The following FAM13A variants were observed in gnomAD, a reference collection of about 807,000 sequenced individuals.
FAM13A encodes family with sequence similarity 13 member A, also known as protein FAM13A.
FAM13A carries 76 observed loss-of-function variants against 129.6 expected under a neutral mutation model. The observed-to-expected ratio is 0.59, with a 90% CI of 0.49 to 0.71. The LOEUF (loss-of-function observed/expected upper bound fraction) is 0.71. Among genes scored for constraint, FAM13A ranks in the 30% least tolerant of loss-of-function variants. FAM13A has a pLI of 0.00. For missense variants in FAM13A, 1,108 were observed against 1,249.3 expected (o/e 0.89, Z 1.70); for synonymous variants, 443 against 449.9 (o/e 0.98, Z 0.20).
At chr4:88,739,371 T>C (rs1739699009) in intron 19 of FAM13A, among the ~76,000 whole-genome samples, 1 of 152,126 alleles carries the variant, frequency 6.6e-6, no homozygotes, top group Admixed American at 6.6e-5. Flanking sequence ...AAATCCAAAC[T>C]AGGATCATTC....
intron 7 of FAM13A, chr4:88,822,896 G>A: frequency 2.5e-6 from 4 of 1,569,690 alleles, no homozygotes; most frequent in Non-Finnish European, 3.4e-6. Context: ...ACTAAAAGAT[G>A]CCAAGTACTG....
intron 2 of FAM13A, among the ~76,000 whole-genome samples, chr4:89,025,313 G>A (rs71609549): frequency 0.065 from 8,705 of 133,964 alleles, 350 homozygotes; most frequent in Non-Finnish European, 0.095. Flanking sequence ...GCCGGACTGC[G>A]GACTGCAGTG....
At chr4:89,048,401 C>A (rs1257471800) in intron 1 of FAM13A, among the ~76,000 whole-genome samples, 1 of 152,044 alleles carries the variant, frequency 6.6e-6, no homozygotes, top group Non-Finnish European at 1.5e-5. Flanking sequence ...CCATTTATAT[C>A]AAATGTCCTG....
intron 2 of FAM13A, among the ~76,000 whole-genome samples, chr4:89,023,646 A>G (rs1335391394): frequency 6.6e-6 from 1 of 152,150 alleles, no homozygotes; most frequent in Non-Finnish European, 1.5e-5. Context: ...ATGCTCCTCA[A>G]TAATATTTTC....
chr4:88,860,688 C>T (rs184954148), intron 6 of FAM13A, among the ~76,000 whole-genome samples: 3 of 152,270 alleles, frequency 2.0e-5, no homozygotes, highest in African/African-American at 7.2e-5. Context: ...AAAACAAATG[C>T]CATTTATTCC....
chr4:88,784,630 A>G (rs2149639414), intron 10 of FAM13A, among the ~76,000 whole-genome samples: 1 of 152,248 alleles, frequency 6.6e-6, no homozygotes, highest in Non-Finnish European at 1.5e-5. Flanking sequence ...TTTACTTTGC[A>G]GTAGGATTTT....
At position 88,731,326 on chromosome 4, in the gene FAM13A, C is replaced by T. The variant is rs747180976; in HGVS notation, c.2945+1G>A. 3 of 1,573,908 alleles carry T rather than the reference C, an allele frequency of 1.9e-6. No individual in the cohort carries two copies. Among genetic ancestry groups the T allele is most frequent in the Non-Finnish European group, 2.6e-6 (3 of 1,148,978 alleles). The stretch of plus-strand genomic sequence containing the variant: ...GGAGGGTGGGGGAAGACAGGCACTA[C>T]CTTCCATTCTGTCTGAAAAAGTTGT... On this transcript the variant is annotated splice_donor_variant, in intron 23 of 23. Coordinates refer to ENST00000264344, the MANE Select transcript of FAM13A (RefSeq NM_014883.4). LOFTEE classifies it high-confidence loss of function.
rs187540718 is a variant in FAM13A, at chr4:88,872,004, G to A, written c.844-20821C>T. Among the ~76,000 whole-genome samples the A allele has an allele frequency of 7.1e-3, 1,075 of 152,248 alleles. 10 individuals carry two copies. Among genetic ancestry groups the A allele is most frequent in the African/African-American group, 0.025 (1,047 of 41,536 alleles). ...GGGGCCAATATTCAACATTCTTAAC[G>A]AAAAGAATTTTCAACCCAGAATTTC... On this transcript the variant is annotated intron_variant, in intron 6 of 23. Coordinates refer to ENST00000264344, the MANE Select transcript of FAM13A (RefSeq NM_014883.4).
At position 89,003,045 on chromosome 4, in the gene FAM13A, A is replaced by C. The variant is rs185252386; in HGVS notation, c.428-11895T>G. Among the ~76,000 whole-genome samples, 55 of 152,232 alleles carry C rather than the reference A, an allele frequency of 3.6e-4. 1 individual carries two copies. In the East Asian group the frequency reaches 9.8e-3, roughly 27 times the overall value. On this transcript the variant is annotated intron_variant, in intron 3 of 23. Coordinates refer to ENST00000264344, the MANE Select transcript of FAM13A (RefSeq NM_014883.4). ...AAGAAAATTTCCAAGATCAAAAGAA[A>C]ATACTTTCCAATCTGATGGAACCCA...
intron 8 of FAM13A, 136 bp downstream of exon 8, chr4:88,804,875 T>C: frequency 1.6e-6 from 1 of 639,980 alleles, no homozygotes; most frequent in African/African-American, 1.9e-5. Context: ...TACAGTAAGG[T>C]GAAGAGCTCC....
At chr4:89,039,527 T>G (rs1276869819) in intron 1 of FAM13A, among the ~76,000 whole-genome samples, 1 of 152,090 alleles carries the variant, frequency 6.6e-6, no homozygotes, top group East Asian at 1.9e-4. Context: ...GGACAAAGAA[T>G]TATGTGGGAA....
At chr4:88,826,085 C>G (rs772308202) in intron 7 of FAM13A, among the ~76,000 whole-genome samples, 1 of 152,072 alleles carries the variant, frequency 6.6e-6, no homozygotes, top group Non-Finnish European at 1.5e-5. Flanking sequence ...AGTGGGAGTG[C>G]CATTCATGAC....
chr4:88,871,587 G>GT (rs1174180297), intron 6 of FAM13A, among the ~76,000 whole-genome samples: 1 of 152,178 alleles, frequency 6.6e-6, no homozygotes, highest in Non-Finnish European at 1.5e-5. Context: ...GAGAAGAGAA[G>GT]TTTAGAGAAA....
intron 8 of FAM13A, among the ~76,000 whole-genome samples, chr4:88,791,114 G>C (rs1725051339): frequency 1.3e-5 from 2 of 152,124 alleles, no homozygotes; most frequent in Non-Finnish European, 2.9e-5. Flanking sequence ...GACAGGGATA[G>C]AGAACAAGGA....
intron 12 of FAM13A, 90 bp from the exon 13 acceptor site, chr4:88,767,685 A>C (rs1039340121): frequency 2.0e-6 from 2 of 1,012,226 alleles, no homozygotes; most frequent in African/African-American, 3.3e-5. Context: ...TTAATTTAAG[A>C]GTATGTTGAG....
At chr4:88,760,322 T>TATATCTGGAGATTTAAGATA (rs1172323158) in intron 13 of FAM13A, among the ~76,000 whole-genome samples, 3 of 105,040 alleles carry the variant, frequency 2.9e-5, no homozygotes, top group Admixed American at 9.2e-5. Flanking sequence ...AAATGCCAAG[T>TATATCTGGAGATTTAAGATA]GGCCGGGCGC....
chr4:88,791,149 A>G (rs189966232), intron 8 of FAM13A, among the ~76,000 whole-genome samples: 7 of 152,236 alleles, frequency 4.6e-5, no homozygotes. Flanking sequence ...CTATATGACT[A>G]TTTCTAAACC....
chr4:89,036,843 C>T (rs1206248828), intron 1 of FAM13A, among the ~76,000 whole-genome samples: 1 of 152,228 alleles, frequency 6.6e-6, no homozygotes, highest in East Asian at 1.9e-4. Flanking sequence ...GCCACTGCTC[C>T]AGAGGGTACA....
intron 4 of FAM13A, among the ~76,000 whole-genome samples, chr4:88,946,874 A>C (rs1413082168): frequency 6.6e-6 from 1 of 152,138 alleles, no homozygotes; most frequent in African/African-American, 2.4e-5. Flanking sequence ...TGTCAAATGC[A>C]GTCTTTTCAG....
Sources: allele counts gnomAD v4.1 joint callset (sites outside exome capture counted in the v4.1 genomes callset), GRCh38; gene constraint gnomAD v4.1.1; transcripts MANE v1.5; gene names NCBI Gene and HGNC (gene_info 2026-07-23, HGNC 2026-07-21).